The following SGCD variants were observed in gnomAD, a reference collection of about 807,000 sequenced individuals.
The protein encoded by SGCD is sarcoglycan delta, also known as delta-sarcoglycan.
Under a neutral mutation model 36.6 loss-of-function variants are expected in SGCD, and 18 were observed. The ratio of observed to expected loss-of-function variants is 0.49; its 90% confidence interval spans 0.34 to 0.73. The LOEUF (loss-of-function observed/expected upper bound fraction) is 0.73. Ranked by LOEUF, SGCD falls within the 30% of genes least tolerant of loss-of-function variation. The pLI, the probability that SGCD is intolerant of heterozygous loss-of-function variation, is 0.01. For synonymous variants in SGCD, 133 were observed against 130.6 expected, an observed-to-expected ratio of 1.02 and a Z score of -0.12; for missense variants, 387 against 346.7, an observed-to-expected ratio of 1.12 and a Z score of -0.92.
At chr5:156,239,967 G>A (rs1765268544) in intron 3 of SGCD, among the ~76,000 whole-genome samples, 1 of 152,174 alleles carries the variant, frequency 6.6e-6, no homozygotes, top group African/African-American at 2.4e-5. Context: ...ATCAGTGATT[G>A]TAATTTCAAA....
At chr5:156,641,043 T>G (rs1466611840) in intron 6 of SGCD, among the ~76,000 whole-genome samples, 2 of 152,222 alleles carry the variant, frequency 1.3e-5, no homozygotes, top group African/African-American at 2.4e-5. Flanking sequence ...CGTTGATCAC[T>G]CAGTTCATTT....
chr5:155,835,002 A>ATTTTTTTTTTTTTTTTTTTTTTTTT, the SGCD span, among the ~76,000 whole-genome samples: 3 of 60,178 alleles, frequency 5.0e-5, no homozygotes, highest in Non-Finnish European at 6.1e-5. Flanking sequence ...TGCCCAGCTA[A>ATTTTTTTTTTTTTTTTTTTTTTTTT]TTTTTTTTTT....
At chr5:156,273,536 A>G (rs1312121783) in intron 3 of SGCD, among the ~76,000 whole-genome samples, 4 of 152,196 alleles carry the variant, frequency 2.6e-5, no homozygotes, top group East Asian at 1.9e-4. Flanking sequence ...CTGTAACTCT[A>G]TGATGGGCTC....
At chr5:156,399,409 C>A (rs576184921) in intron 3 of SGCD, among the ~76,000 whole-genome samples, 3 of 152,292 alleles carry the variant, frequency 2.0e-5, no homozygotes, top group African/African-American at 4.8e-5. Context: ...TCCACCAAAC[C>A]AGAAGCCTGC....
In SGCD at chr5:156,437,525, G is replaced by C. The variant is rs1470456325; in HGVS notation, c.193-71076G>C. Reference sequence around the variant, plus strand: ...CAAAGGATGCTAAGGTAGAAATTAAGGTTTCTTTGTAGGTTTGGCAAATGT... The same window carrying C: ...CAAAGGATGCTAAGGTAGAAATTAACGTTTCTTTGTAGGTTTGGCAAATGT... On this transcript the variant is annotated intron_variant, in intron 3 of 8. Transcript: ENST00000337851. Among the ~76,000 whole-genome samples, 4 of 152,122 alleles carry C rather than the reference G, an allele frequency of 2.6e-5. No individual in the cohort carries two copies. The East Asian group carries it at 7.7e-4, about 29-fold the overall frequency.
chr5:156,619,493 A>G (rs1321873261), intron 6 of SGCD, among the ~76,000 whole-genome samples: 1 of 152,236 alleles, frequency 6.6e-6, no homozygotes, highest in African/African-American at 2.4e-5. Flanking sequence ...AATAACAAGG[A>G]CAGAGTATTT....
At chr5:155,917,560 A>G (rs1189909211) in intron 1 of SGCD, among the ~76,000 whole-genome samples, 1 of 152,206 alleles carries the variant, frequency 6.6e-6, no homozygotes, top group Non-Finnish European at 1.5e-5. Flanking sequence ...CTAACCAACT[A>G]GAAAGTAGGC....
intron 6 of SGCD, among the ~76,000 whole-genome samples, chr5:156,618,798 T>C (rs1177043354): frequency 3.3e-5 from 5 of 152,032 alleles, no homozygotes; most frequent in Admixed American, 1.3e-4. Context: ...AAGAGGGAAA[T>C]GTGATTTAAT....
chr5:155,911,151 G>T (rs1381975319), intron 1 of SGCD, among the ~76,000 whole-genome samples: 1 of 152,004 alleles, frequency 6.6e-6, no homozygotes. Context: ...GTGTCTCAAA[G>T]TATCCAGGTT....
At chr5:156,748,413 C>T (rs1208734051) in intron 7 of SGCD, among the ~76,000 whole-genome samples, 1 of 152,054 alleles carries the variant, frequency 6.6e-6, no homozygotes, top group Non-Finnish European at 1.5e-5. Flanking sequence ...ATATTAAAGA[C>T]CTCTAAAAAC....
At chr5:156,328,843 A>AT (rs1189454676) in intron 1 of SGCD, among the ~76,000 whole-genome samples, 2 of 151,932 alleles carry the variant, frequency 1.3e-5, no homozygotes, top group Admixed American at 6.6e-5. Flanking sequence ...CTGTGACCTT[A>AT]TTTTTTTCTC....
At chr5:156,423,849 A>T (rs1177566439) in intron 3 of SGCD, among the ~76,000 whole-genome samples, 1 of 152,022 alleles carries the variant, frequency 6.6e-6, no homozygotes, top group Admixed American at 6.6e-5. Context: ...GGATATTAAC[A>T]GTGCGTACCT....
At chr5:156,461,666 G>A (rs1754494757) in intron 3 of SGCD, among the ~76,000 whole-genome samples, 1 of 151,670 alleles carries the variant, frequency 6.6e-6, no homozygotes, top group South Asian at 2.1e-4. Context: ...ACTCTACTCT[G>A]GAGTTAATGT....
rs1757534615 is a variant in SGCD, at chr5:156,763,593, A to G, written c.*4203A>G. On this transcript the variant is annotated 3_prime_UTR_variant, in exon 9 of 9. Transcript: ENST00000337851. ...AAAAAACTATAACAACAACAACAAA[A>G]ACATATTTTGAAAAGACATATTCTG... 1.3e-5 allele frequency: 2 copies of G among 152,264 alleles called. No individual in the cohort carries two copies. The highest frequency in any genetic ancestry group is 3.9e-4 in the East Asian group (2 of 5,178). The allele number at this position is 152,264 out of a possible 1,614,324, so 9.4% of individuals were successfully genotyped here. A position where few individuals can be genotyped will look rare whatever the true frequency, so the allele number is the denominator to read the frequency against.
At chr5:156,274,960 T>C (rs1049255226) in intron 3 of SGCD, among the ~76,000 whole-genome samples, 1 of 152,044 alleles carries the variant, frequency 6.6e-6, no homozygotes, top group African/African-American at 2.4e-5. Context: ...AGCCTGAGAG[T>C]GCTATTTAGG....
At chr5:156,342,694 A>T (rs1047853846) in intron 2 of SGCD, among the ~76,000 whole-genome samples, 5 of 152,212 alleles carry the variant, frequency 3.3e-5, no homozygotes, top group African/African-American at 7.2e-5. Flanking sequence ...ATCCTCTTAC[A>T]CCACAAATCT....
chr5:156,567,078 G>A (rs1303325529), intron 4 of SGCD, among the ~76,000 whole-genome samples: 2 of 152,090 alleles, frequency 1.3e-5, no homozygotes, highest in African/African-American at 4.8e-5. Context: ...GCCATTCAGA[G>A]CAAGTTTGAT....
At chr5:156,191,125 G>C (rs1043017633) in intron 3 of SGCD, among the ~76,000 whole-genome samples, 6 of 151,952 alleles carry the variant, frequency 3.9e-5, no homozygotes, top group African/African-American at 1.2e-4. Context: ...TAAAACTCTT[G>C]GTTTTACAGA....
chr5:155,892,871 C>T (rs571733715), intron 1 of SGCD, among the ~76,000 whole-genome samples: 5 of 152,220 alleles, frequency 3.3e-5, no homozygotes, highest in East Asian at 3.9e-4. Flanking sequence ...AAGACAAATA[C>T]GCATGATCTC....
Sources: allele counts gnomAD v4.1 joint callset (sites outside exome capture counted in the v4.1 genomes callset), GRCh38; gene constraint gnomAD v4.1.1; transcripts MANE v1.5; gene names NCBI Gene and HGNC (gene_info 2026-07-23, HGNC 2026-07-21).